Variants in AKAP6 observed in about 807,000 individuals in gnomAD.
The protein encoded by AKAP6 is A-kinase anchoring protein 6.
AKAP6 carries 58 observed loss-of-function variants against 188.5 expected under a neutral mutation model. That is an observed-to-expected ratio of 0.31 (90% CI 0.25 to 0.38). AKAP6 has a LOEUF of 0.38. Ranked by LOEUF, AKAP6 falls within the 10% of genes least tolerant of loss-of-function variation. The probability of loss-of-function intolerance (pLI) is 1.00; values close to 1 mark genes in which losing one functional copy is unlikely to be tolerated. For missense variants in AKAP6, 2,710 were observed against 2,740.0 expected (o/e 0.99, Z 0.24); for synonymous variants, 989 against 998.6 (o/e 0.99, Z 0.18).
At chr14:32,460,310 A>G (rs1891280073) in intron 2 of AKAP6, among the ~76,000 whole-genome samples, 1 of 152,194 alleles carries the variant, frequency 6.6e-6, no homozygotes, top group South Asian at 2.1e-4. Flanking sequence ...GAGATATAAG[A>G]GATATATTAA....
chr14:32,758,453 G>A (rs946353610), intron 11 of AKAP6, among the ~76,000 whole-genome samples: 1 of 152,212 alleles, frequency 6.6e-6, no homozygotes, highest in African/African-American at 2.4e-5. Context: ...AAAAAATGAG[G>A]CTGGGTGCAA....
chr14:32,789,181 T>A (rs1387382364), intron 12 of AKAP6, among the ~76,000 whole-genome samples: 1 of 152,148 alleles, frequency 6.6e-6, no homozygotes, highest in African/African-American at 2.4e-5. Flanking sequence ...GTGGAGGCTT[T>A]AGCCACTCCA....
chr14:32,490,481 A>T (rs1365610250), intron 2 of AKAP6, among the ~76,000 whole-genome samples: 1 of 152,194 alleles, frequency 6.6e-6, no homozygotes, highest in Non-Finnish European at 1.5e-5. Context: ...TTTATGTTAT[A>T]TTCATAGTTT....
chr14:32,681,670 T>A lies in AKAP6; in HGVS notation c.2879+3211T>A, dbSNP rs578080360. On this transcript the variant is annotated intron_variant, in intron 8 of 13. Coordinates refer to ENST00000280979, the MANE Select transcript of AKAP6 (RefSeq NM_004274.5). ...AAACAAAATTAACTCATTCATTAATTTGACAAATTTTTTTTTTTTTTTTTT... is the reference window on the plus strand; with the variant it reads ...AAACAAAATTAACTCATTCATTAATATGACAAATTTTTTTTTTTTTTTTTT... 2.8e-5 allele frequency among the ~76,000 whole-genome samples: 4 copies of A among 143,870 alleles called. No homozygotes were observed. The Admixed American group carries it at 3.0e-4, about 11-fold the overall frequency. The allele number at this position is 143,870 out of a possible 152,430, so 94.4% of individuals were successfully genotyped here.
chr14:32,608,049 T>C (rs937033921), intron 7 of AKAP6, among the ~76,000 whole-genome samples: 8 of 152,182 alleles, frequency 5.3e-5, no homozygotes, highest in Non-Finnish European at 1.2e-4. Context: ...CTAATCTCCT[T>C]GAAGCACTTA....
intron 4 of AKAP6, among the ~76,000 whole-genome samples, chr14:32,553,790 A>G (rs10143484): frequency 0.018 from 2,787 of 152,274 alleles, 73 homozygotes; most frequent in African/African-American, 0.06. Context: ...TCTGTTCCCA[A>G]TCTTTTTCTG....
At chr14:32,474,455 T>A (rs1878952654) in intron 2 of AKAP6, 1 of 152,196 alleles carries the variant, frequency 6.6e-6, no homozygotes. Context: ...AATGGTAGTC[T>A]CACATGGTTC....
chr14:32,535,061 C>T (rs1192932249), intron 2 of AKAP6, among the ~76,000 whole-genome samples: 3 of 148,934 alleles, frequency 2.0e-5, no homozygotes, highest in South Asian at 4.3e-4. Flanking sequence ...TTGCCCCTTA[C>T]ATCAAATACC....
Position 32,823,520 on chromosome 14 carries a change from C to A in AKAP6, c.5707C>A (p.Pro1903Thr), listed in dbSNP as rs769698023. ...DMENGNIEGI[P>T]ERQKGKPNVT... ...GGAAAATGGCAATATTGAAGGTATT[C>A]CAGAAAGGCAAAAGGGAAAACCGAA... Residue 1903 changes from proline (P) to threonine (T), a missense_variant, in exon 13 of 14, where the codon CCA becomes ACA. By Grantham distance (38) the Pro-to-Thr change is conservative. Coordinates refer to ENST00000280979, the MANE Select transcript of AKAP6 (RefSeq NM_004274.5). The A allele has an allele frequency of 4.3e-6, 7 of 1,613,704 alleles. No individual in the cohort carries two copies. Among genetic ancestry groups the A allele is most frequent in the Non-Finnish European group, 5.9e-6 (7 of 1,179,856 alleles).
At chr14:32,709,494 T>C in intron 9 of AKAP6, among the ~76,000 whole-genome samples, 1 of 152,038 alleles carries the variant, frequency 6.6e-6, no homozygotes, top group Non-Finnish European at 1.5e-5. Flanking sequence ...TATTCCAAAG[T>C]TGATCTCTAA....
rs1403396681 is a variant in AKAP6, at chr14:32,568,252, A to T, written c.2347-8868A>T. The stretch of plus-strand genomic sequence containing the variant: ...ACAAATCTGGTTAGAGAGAGAATAT[A>T]GCACAGTAGTCCAGAGCTTAGACCC... On this transcript the variant is annotated intron_variant, in intron 4 of 13. Coordinates refer to ENST00000280979, the MANE Select transcript of AKAP6 (RefSeq NM_004274.5). The surrounding 1 kb of genome is among the most constrained non-coding windows in gnomAD (Gnocchi z 6.2). Among the ~76,000 whole-genome samples, 1 of 152,174 alleles carries T rather than the reference A, an allele frequency of 6.6e-6. No individual in the cohort carries two copies. Among genetic ancestry groups the T allele is most frequent in the African/African-American group, 2.4e-5 (1 of 41,446 alleles).
chr14:32,705,598 T>C (rs553210983), intron 9 of AKAP6, among the ~76,000 whole-genome samples: 2 of 152,152 alleles, frequency 1.3e-5, no homozygotes, highest in South Asian at 4.1e-4. Flanking sequence ...GGATCTTGAT[T>C]ATTTTCCTTA....
chr14:32,758,531 T>G (rs1222917748), intron 11 of AKAP6, among the ~76,000 whole-genome samples: 1 of 152,098 alleles, frequency 6.6e-6, no homozygotes, highest in Non-Finnish European at 1.5e-5. Context: ...GTCAGGAGTT[T>G]GAGATCAGCC....
chr14:32,374,493 T>C (rs968375148), intron 1 of AKAP6, among the ~76,000 whole-genome samples: 4 of 152,168 alleles, frequency 2.6e-5, no homozygotes, highest in Non-Finnish European at 5.9e-5. Context: ...TGTTGATTCA[T>C]TCCATTTGGT....
chr14:32,611,686 A>G (rs552861744), intron 7 of AKAP6, among the ~76,000 whole-genome samples: 2 of 152,280 alleles, frequency 1.3e-5, no homozygotes, highest in African/African-American at 4.8e-5. Context: ...TGAAACTTTC[A>G]GGCCCTGTTG....
At chr14:32,798,721 G>T (rs1314244338) in intron 12 of AKAP6, among the ~76,000 whole-genome samples, 1 of 152,090 alleles carries the variant, frequency 6.6e-6, no homozygotes, top group East Asian at 1.9e-4. Flanking sequence ...GGGACTACCT[G>T]AGAATGGAGG....
At chr14:32,500,539 G>A (rs1880559552) in intron 2 of AKAP6, among the ~76,000 whole-genome samples, 1 of 152,130 alleles carries the variant, frequency 6.6e-6, no homozygotes, top group South Asian at 2.1e-4. Flanking sequence ...AGGTGCCAAT[G>A]GTTGAAGTTG....
At chr14:32,788,980 G>T (rs1029805065) in intron 12 of AKAP6, among the ~76,000 whole-genome samples, 7 of 152,214 alleles carry the variant, frequency 4.6e-5, no homozygotes, top group East Asian at 1.9e-4. Flanking sequence ...AGTTCCTGGG[G>T]AGAGGGTCGG....
At chr14:32,375,167 G>C (rs1294289078) in intron 1 of AKAP6, among the ~76,000 whole-genome samples, 1 of 152,196 alleles carries the variant, frequency 6.6e-6, no homozygotes, top group Non-Finnish European at 1.5e-5. Context: ...TGTGGGGAGG[G>C]AAGTAGTGGA....
Sources: gnomAD v4.1 joint callset for allele counts (sites outside exome capture counted in the v4.1 genomes callset) on GRCh38, gnomAD v4.1.1 for gene constraint, Gnocchi (gnomAD v3.1) non-coding constraint, MANE v1.5 for transcripts, NCBI Gene and HGNC (gene_info 2026-07-23, HGNC 2026-07-21) for gene names.